The following SLC25A13 variants were observed in gnomAD, a reference collection of about 807,000 sequenced individuals.
SLC25A13 encodes electrogenic aspartate/glutamate antiporter SLC25A13, mitochondrial.
A neutral mutation model predicts 85.5 loss-of-function variants in SLC25A13; 70 were observed. That is an observed-to-expected ratio of 0.82 (90% confidence interval 0.68 to 1.00). The LOEUF (loss-of-function observed/expected upper bound fraction) is 1.00. Among genes scored for constraint, SLC25A13 ranks in the 50% least tolerant of loss-of-function variants. The pLI, the probability that SLC25A13 is intolerant of heterozygous loss-of-function variation, is 0.00. For synonymous variants in SLC25A13, 259 were observed against 288.7 expected (o/e 0.90, Z 1.04); for missense variants, 765 against 819.8 (o/e 0.93, Z 0.82).
At chr7:96,317,470 T>C (rs1800174165) in intron 1 of SLC25A13, among the ~76,000 whole-genome samples, 1 of 152,006 alleles carries the variant, frequency 6.6e-6, no homozygotes, top group Non-Finnish European at 1.5e-5. Context: ...GCTCAGTAAG[T>C]GTCAGCTGCT....
At position 96,131,840 on chromosome 7, in the gene SLC25A13, G is replaced by A. The variant is rs1405058189; in HGVS notation, c.1494C>T (p.Ala498=). The A allele has an allele frequency of 1.9e-5, 31 of 1,613,912 alleles. No individual in the cohort carries two copies. Among genetic ancestry groups the A allele is most frequent in the African/African-American group, 2.7e-5 (2 of 74,866 alleles). Residue 498 remains alanine (A), a synonymous_variant, in exon 15 of 18, where the codon GCC becomes GCT. Transcript: ENST00000265631. ...ACFLRDIPFS[A]IYFPCYAHVK... is the part of the protein sequence containing the mutation. ...CATGAGCATAGCACGGAAAGTAGATGGCCGAGAAAGGAATGTCCCGCAGAA... is the reference window on the plus strand; with the variant it reads ...CATGAGCATAGCACGGAAAGTAGATAGCCGAGAAAGGAATGTCCCGCAGAA...
intron 1 of SLC25A13, among the ~76,000 whole-genome samples, chr7:96,300,142 G>C (rs1047066614): frequency 2.0e-5 from 3 of 152,132 alleles, no homozygotes; most frequent in Non-Finnish European, 2.9e-5. Context: ...AGGAATGGTG[G>C]CTCATACCTA....
intron 5 of SLC25A13, among the ~76,000 whole-genome samples, chr7:96,203,289 C>T (rs150084398): frequency 1.3e-4 from 20 of 152,254 alleles, no homozygotes; most frequent in African/African-American, 4.3e-4. Flanking sequence ...GCTTCTTAGG[C>T]CCTATTCAGA....
At chr7:96,265,409 T>C (rs896305090) in intron 3 of SLC25A13, among the ~76,000 whole-genome samples, 5 of 152,154 alleles carry the variant, frequency 3.3e-5, no homozygotes, top group Non-Finnish European at 2.9e-5. Flanking sequence ...TTTTAAATCT[T>C]TCAAAAAAGT....
chr7:96,179,336 T>C (rs1238517511), intron 11 of SLC25A13, among the ~76,000 whole-genome samples: 2 of 152,228 alleles, frequency 1.3e-5, no homozygotes, highest in African/African-American at 4.8e-5. Context: ...AATTATCATT[T>C]TTGAGGTGTG....
intron 14 of SLC25A13, among the ~76,000 whole-genome samples, chr7:96,139,945 C>CTTTTTTTTTTTTTTT (rs59749381): frequency 2.3e-5 from 2 of 86,366 alleles, no homozygotes; most frequent in African/African-American, 4.5e-5. Flanking sequence ...GATTTCCATT[C>CTTTTTTTTTTTTTTT]TTTTTTTTTT....
At chr7:96,204,540 A>AT (rs887848920) in intron 5 of SLC25A13, among the ~76,000 whole-genome samples, 4 of 151,514 alleles carry the variant, frequency 2.6e-5, no homozygotes, top group African/African-American at 9.7e-5. Flanking sequence ...CCCTGTCTCA[A>AT]AAACAAAAAA....
At chr7:96,295,094 C>T (rs982901319) in intron 2 of SLC25A13, among the ~76,000 whole-genome samples, 1 of 152,122 alleles carries the variant, frequency 6.6e-6, no homozygotes, top group African/African-American at 2.4e-5. Context: ...TGGTGGCTCA[C>T]ACCTGTAATC....
chr7:96,230,147 T>A (rs1796484625), intron 4 of SLC25A13, among the ~76,000 whole-genome samples: 1 of 152,190 alleles, frequency 6.6e-6, no homozygotes, highest in South Asian at 2.1e-4. Flanking sequence ...ATAATGGAAT[T>A]CAATACAGTG....
chr7:96,216,643 C>G (rs1250158167), intron 4 of SLC25A13, among the ~76,000 whole-genome samples: 5 of 152,108 alleles, frequency 3.3e-5, no homozygotes, highest in African/African-American at 9.7e-5. Context: ...CAAACTAATG[C>G]AGGAACAGAA....
intron 7 of SLC25A13, among the ~76,000 whole-genome samples, chr7:96,190,119 C>G (rs1420838356): frequency 1.4e-5 from 2 of 137,966 alleles, no homozygotes; most frequent in Non-Finnish European, 3.1e-5. Context: ...GAGTCTTGCT[C>G]TGTTGCCCAG....
At chr7:96,173,988 C>T (rs748979060) in intron 11 of SLC25A13, among the ~76,000 whole-genome samples, 2 of 152,178 alleles carry the variant, frequency 1.3e-5, no homozygotes, top group Non-Finnish European at 2.9e-5. Flanking sequence ...TTGGAAGTCA[C>T]GTGTGTGCTA....
intron 5 of SLC25A13, among the ~76,000 whole-genome samples, chr7:96,194,625 C>A (rs1283328390): frequency 1.3e-5 from 2 of 151,806 alleles, no homozygotes; most frequent in Non-Finnish European, 2.9e-5. Flanking sequence ...TTTGTGCAAA[C>A]TAAAGTGTAA....
chr7:96,310,668 A>G (rs1197839922), intron 1 of SLC25A13, among the ~76,000 whole-genome samples: 1 of 152,216 alleles, frequency 6.6e-6, no homozygotes. Flanking sequence ...GCAGGTGGCA[A>G]AGTCAATTTT....
intron 13 of SLC25A13, among the ~76,000 whole-genome samples, chr7:96,166,236 T>C (rs986920777): frequency 6.6e-6 from 1 of 152,064 alleles, no homozygotes; most frequent in Non-Finnish European, 1.5e-5. Flanking sequence ...CGCACACACA[T>C]GTGTGCATCA....
At chr7:96,154,533 G>A (rs933210514) in intron 13 of SLC25A13, among the ~76,000 whole-genome samples, 3 of 152,282 alleles carry the variant, frequency 2.0e-5, no homozygotes, top group Admixed American at 6.5e-5. Flanking sequence ...CTGACCTCAG[G>A]TGATCTGCCT....
At chr7:96,185,671 A>G (rs1794610768) in intron 9 of SLC25A13, among the ~76,000 whole-genome samples, 1 of 151,804 alleles carries the variant, frequency 6.6e-6, no homozygotes, top group Non-Finnish European at 1.5e-5. Context: ...TGGGTGGATC[A>G]TGAGGTCAGG....
chr7:96,308,855 G>T (rs1345865411), intron 1 of SLC25A13, among the ~76,000 whole-genome samples: 2 of 152,206 alleles, frequency 1.3e-5, no homozygotes, highest in African/African-American at 2.4e-5. Flanking sequence ...ACAAATCAAT[G>T]TGAAAAGGCA....
At chr7:96,269,091 C>G (rs563849878) in intron 3 of SLC25A13, among the ~76,000 whole-genome samples, 9 of 152,306 alleles carry the variant, frequency 5.9e-5, no homozygotes, top group Middle Eastern at 3.4e-3. Flanking sequence ...TTAGAAGCTC[C>G]AAGAGGGCAA....
Sources: gnomAD v4.1 joint callset for allele counts (sites outside exome capture counted in the v4.1 genomes callset) on GRCh38, gnomAD v4.1.1 for gene constraint, MANE v1.5 for transcripts, NCBI Gene and HGNC (gene_info 2026-07-23, HGNC 2026-07-21) for gene names.